EIF4G3: variants seen among roughly 807,000 people sequenced by gnomAD.
The protein encoded by EIF4G3 is eukaryotic translation initiation factor 4 gamma 3.
Under a neutral mutation model 186.4 loss-of-function variants are expected in EIF4G3, and 34 were observed. That is an observed-to-expected ratio of 0.18 (90% CI 0.14 to 0.24). The LOEUF (loss-of-function observed/expected upper bound fraction) is 0.24, where lower values mean the gene tolerates loss of function less well. Among genes scored for constraint, EIF4G3 ranks in the 10% least tolerant of loss-of-function variants. EIF4G3 has a pLI of 1.00. For missense variants in EIF4G3, 1,536 were observed against 1,948.5 expected, an observed-to-expected ratio of 0.79 and a Z score of 3.99; for synonymous variants, 673 against 679.5, an observed-to-expected ratio of 0.99 and a Z score of 0.15.
chr1:20,980,290 A>G, intron 10 of EIF4G3, 44 bp downstream of exon 10: 1 of 1,402,302 alleles, frequency 7.1e-7, no homozygotes, highest in Admixed American at 3.0e-5. Context: ...AAAATTAAAT[A>G]AACACAAAAA....
intron 14 of EIF4G3, 44 bp from the exon 15 acceptor site, chr1:20,905,015 T>C: frequency 6.9e-7 from 1 of 1,439,582 alleles, no homozygotes; most frequent in South Asian, 1.2e-5. Context: ...TGCAAAGTCA[T>C]TCTGAGAAAT....
At chr1:20,858,403 GTC>G (rs752202427) in intron 24 of EIF4G3, among the ~76,000 whole-genome samples, 5 of 151,978 alleles carry the variant, frequency 3.3e-5, no homozygotes, top group Non-Finnish European at 7.4e-5. Flanking sequence ...TTGCCTAAAA[GTC>G]TCTTTCCCCA....
intron 34 of EIF4G3, among the ~76,000 whole-genome samples, chr1:20,814,557 A>T (rs888790971): frequency 6.6e-6 from 1 of 152,074 alleles, no homozygotes; most frequent in Admixed American, 6.6e-5. Context: ...TATTTTAATG[A>T]CTACTTACTC....
chr1:21,100,832 C>T (rs1412157038), intron 2 of EIF4G3, among the ~76,000 whole-genome samples: 1 of 152,058 alleles, frequency 6.6e-6, no homozygotes. Flanking sequence ...TGGGCTTGGG[C>T]GGCAAACTAC....
In EIF4G3 at chr1:20,942,151, T is replaced by C. The variant is rs36116931; in HGVS notation, c.1003A>G (p.Ile335Val). 334 of 1,614,130 alleles carry C rather than the reference T, an allele frequency of 2.1e-4. No homozygotes were observed. The African/African-American group carries it at 3.9e-3, about 19-fold the overall frequency. The change falls in exon 14 of 37, where the codon ATT (isoleucine) becomes GTT (valine). Residue 335 changes from isoleucine to valine, a missense_variant. Coordinates refer to ENST00000602326, the MANE Select transcript of EIF4G3 (RefSeq NM_001391906.1). ...TTVSSVARSTIAAPTSSALSS... is the reference protein window; with the variant it reads ...TTVSSVARSTVAAPTSSALSS... ...AGAGCAGAAGAGGTGGGGGCTGCAA[T>C]TGTACTTCGAGCAACAGAAGAAACA...
intron 7 of EIF4G3, among the ~76,000 whole-genome samples, chr1:20,985,691 A>G (rs1308976667): frequency 6.6e-6 from 1 of 152,158 alleles, no homozygotes; most frequent in African/African-American, 2.4e-5. Flanking sequence ...ACTGCTTGCA[A>G]TCCTTCAAAT....
At chr1:20,938,275 A>G (rs10442632) in intron 14 of EIF4G3, among the ~76,000 whole-genome samples, 140,796 of 152,204 alleles carry the variant, frequency 0.93, 65,619 homozygotes, top group East Asian at 1. Flanking sequence ...GATTACAGGC[A>G]TGAGCCACCG....
chr1:21,114,336 G>A (rs926106998), intron 2 of EIF4G3, among the ~76,000 whole-genome samples: 2 of 152,072 alleles, frequency 1.3e-5, no homozygotes, highest in East Asian at 1.9e-4. Context: ...TAGTAGAGAC[G>A]GGGTTTCACC....
intron 25 of EIF4G3, among the ~76,000 whole-genome samples, chr1:20,855,934 T>C (rs2074773764): frequency 6.6e-6 from 1 of 152,252 alleles, no homozygotes; most frequent in Non-Finnish European, 1.5e-5. Context: ...ATACCAGCAC[T>C]GTTTTTATAG....
At chr1:21,166,579 G>T (rs980113397) in intron 2 of EIF4G3, among the ~76,000 whole-genome samples, 1 of 151,794 alleles carries the variant, frequency 6.6e-6, no homozygotes, top group Non-Finnish European at 1.5e-5. Context: ...TACAAAAATT[G>T]CCCCAATGTG....
intron 2 of EIF4G3, among the ~76,000 whole-genome samples, chr1:21,126,421 T>C (rs972138310): frequency 6.6e-6 from 1 of 151,770 alleles, no homozygotes; most frequent in Non-Finnish European, 1.5e-5. Context: ...TCCCATTACT[T>C]TGGGAGGCCG....
intron 2 of EIF4G3, among the ~76,000 whole-genome samples, chr1:21,099,815 C>T (rs1250248071): frequency 6.6e-6 from 1 of 152,064 alleles, no homozygotes; most frequent in East Asian, 1.9e-4. Flanking sequence ...TAGTCAGTTC[C>T]TCAAAAGGTT....
chr1:21,096,653 T>C (rs574307757), intron 2 of EIF4G3, among the ~76,000 whole-genome samples: 23 of 152,292 alleles, frequency 1.5e-4, no homozygotes, highest in African/African-American at 5.1e-4. Flanking sequence ...GCCAAATTCC[T>C]CTGGACATAG....
intron 3 of EIF4G3, among the ~76,000 whole-genome samples, chr1:21,079,246 TACTCAA>T (rs1323447586): frequency 6.6e-6 from 1 of 152,192 alleles, no homozygotes; most frequent in Non-Finnish European, 1.5e-5. Context: ...AATCCTAGCC[TACTCAA>T]TAGTGACCTG....
At chr1:20,925,716 T>G (rs1473381466) in intron 14 of EIF4G3, among the ~76,000 whole-genome samples, 1 of 152,176 alleles carries the variant, frequency 6.6e-6, no homozygotes, top group Non-Finnish European at 1.5e-5. Context: ...AAATTTTTTG[T>G]AGAGAAAGGG....
chr1:20,901,121 G>A (rs1182874402), intron 15 of EIF4G3, among the ~76,000 whole-genome samples: 2 of 151,788 alleles, frequency 1.3e-5, no homozygotes, highest in Non-Finnish European at 2.9e-5. Context: ...CTATTCCCCC[G>A]ACTAATTCAT....
chr1:20,891,098 T>C (rs1307535141), intron 18 of EIF4G3, among the ~76,000 whole-genome samples: 1 of 152,228 alleles, frequency 6.6e-6, no homozygotes, highest in Non-Finnish European at 1.5e-5. Flanking sequence ...CTCACATACG[T>C]AGGTATACAG....
At position 20,927,659 on chromosome 1, in the gene EIF4G3, A is replaced by G. The variant is rs562605343; in HGVS notation, c.1663+13832T>C. ...GAAGGGTCTCAGGTAGGAGAGTTGAAGGAAGAGTTACAGAGGGTGGCTGAA... is the reference window on the plus strand; with the variant it reads ...GAAGGGTCTCAGGTAGGAGAGTTGAGGGAAGAGTTACAGAGGGTGGCTGAA... On this transcript the variant is annotated intron_variant, in intron 14 of 36. Coordinates refer to ENST00000602326, the MANE Select transcript of EIF4G3 (RefSeq NM_001391906.1). 1.0e-3 allele frequency among the ~76,000 whole-genome samples: 158 copies of G among 152,296 alleles called. 1 individual carries two copies. The highest frequency in any genetic ancestry group is 3.4e-3 in the African/African-American group (142 of 41,554).
At chr1:20,886,863 G>A (rs906948196) in intron 18 of EIF4G3, among the ~76,000 whole-genome samples, 9 of 151,792 alleles carry the variant, frequency 5.9e-5, no homozygotes, top group South Asian at 2.1e-4. Context: ...AAATAAGCCC[G>A]TTATATATCA....
Sources: allele counts gnomAD v4.1 joint callset (sites outside exome capture counted in the v4.1 genomes callset), GRCh38; gene constraint gnomAD v4.1.1; transcripts MANE v1.5; gene names NCBI Gene and HGNC (gene_info 2026-07-23, HGNC 2026-07-21).